AKAP6: variants seen among roughly 807,000 people sequenced by gnomAD.
AKAP6 encodes A-kinase anchoring protein 6, also known as A-kinase anchor protein 6.
Under a neutral mutation model 188.5 loss-of-function variants are expected in AKAP6, and 58 were observed. That is an observed-to-expected ratio of 0.31 (90% CI 0.25 to 0.38). AKAP6 has a LOEUF of 0.38. Among genes scored for constraint, AKAP6 ranks in the 10% least tolerant of loss-of-function variants. AKAP6 has a pLI of 1.00. For synonymous variants in AKAP6, 989 were observed against 998.6 expected, an observed-to-expected ratio of 0.99 and a Z score of 0.18; for missense variants, 2,710 against 2,740.0, an observed-to-expected ratio of 0.99 and a Z score of 0.24.
At chr14:32,733,928 A>G (rs1408325907) in intron 10 of AKAP6, 6 of 152,182 alleles carry the variant, frequency 3.9e-5, no homozygotes, top group African/African-American at 7.2e-5. Flanking sequence ...TAATATATCC[A>G]TTGGTAATTT....
chr14:32,646,824 A>G (rs1346718981), intron 7 of AKAP6, among the ~76,000 whole-genome samples: 1 of 152,130 alleles, frequency 6.6e-6, no homozygotes, highest in Non-Finnish European at 1.5e-5. Flanking sequence ...TGGTGCATGA[A>G]AAAAGGGAAA....
chr14:32,812,917 G>A (rs966633492), intron 12 of AKAP6, among the ~76,000 whole-genome samples: 7 of 152,262 alleles, frequency 4.6e-5, no homozygotes, highest in East Asian at 1.9e-4. Flanking sequence ...CAGCAAATGT[G>A]TGGGGTTTTT....
chr14:32,673,755 A>G (rs1889317203), intron 7 of AKAP6, among the ~76,000 whole-genome samples: 1 of 152,138 alleles, frequency 6.6e-6, no homozygotes. Flanking sequence ...TAATAAATGG[A>G]TGAATGCAAG....
chr14:32,475,245 G>A (rs981987136), intron 2 of AKAP6, among the ~76,000 whole-genome samples: 4 of 152,112 alleles, frequency 2.6e-5, no homozygotes, highest in African/African-American at 9.7e-5. Flanking sequence ...AGGAAACTGA[G>A]GCACAGAGGT....
rs571359895 is a variant in AKAP6, at chr14:32,834,509, A to G, written c.*4704A>G. ...TTAATACAGTATTCAAACAAAGATC[A>G]CACACTGCTTTTAGTTTCCAAGTCT... On this transcript the variant is annotated 3_prime_UTR_variant, in exon 14 of 14. Transcript: ENST00000280979. The G allele has an allele frequency of 6.9e-6, 1 of 145,046 alleles. No individual in the cohort carries two copies. Among genetic ancestry groups the G allele is most frequent in the African/African-American group, 2.5e-5 (1 of 40,484 alleles). The allele number at this position is 145,046 out of a possible 1,614,324, so 9.0% of individuals were successfully genotyped here. A position where few individuals can be genotyped will look rare whatever the true frequency, so the allele number is the denominator to read the frequency against.
At chr14:32,782,594 A>G (rs1472557896) in intron 12 of AKAP6, among the ~76,000 whole-genome samples, 4 of 152,182 alleles carry the variant, frequency 2.6e-5, no homozygotes, top group Admixed American at 6.5e-5. Context: ...TGTCAATTAT[A>G]TTCTAGATAT....
At chr14:32,487,390 T>C (rs904446785) in intron 2 of AKAP6, among the ~76,000 whole-genome samples, 1 of 152,026 alleles carries the variant, frequency 6.6e-6, no homozygotes, top group Admixed American at 6.6e-5. Context: ...TTCAGCTCCA[T>C]CAGGTCATTT....
intron 2 of AKAP6, among the ~76,000 whole-genome samples, chr14:32,510,897 G>A (rs940571575): frequency 2.6e-5 from 4 of 152,082 alleles, no homozygotes; most frequent in Non-Finnish European, 5.9e-5. Flanking sequence ...ATAACACCGA[G>A]GGCTCCTTGG....
chr14:32,804,536 C>A (rs777040175), intron 12 of AKAP6, among the ~76,000 whole-genome samples: 3 of 152,164 alleles, frequency 2.0e-5, no homozygotes, highest in Non-Finnish European at 4.4e-5. Context: ...TCACATGCTT[C>A]TGAGGGAACA....
At chr14:32,392,040 A>T (rs1001406937) in intron 1 of AKAP6, among the ~76,000 whole-genome samples, 1 of 152,218 alleles carries the variant, frequency 6.6e-6, no homozygotes, top group African/African-American at 2.4e-5. Context: ...ATCATCCAGG[A>T]TTTGGGGAAA....
intron 7 of AKAP6, among the ~76,000 whole-genome samples, chr14:32,630,049 G>C (rs73260906): frequency 6.6e-6 from 1 of 152,128 alleles, no homozygotes; most frequent in African/African-American, 2.4e-5. Flanking sequence ...TTCTGTGTGG[G>C]ATCTGGAAAT....
At position 32,568,366 on chromosome 14, in the gene AKAP6, A is replaced by G. The variant is rs1884299831; in HGVS notation, c.2347-8754A>G. ...TCTATGCCTTAGCCTCTTCATCTGT[A>G]CAATGGGGAAATTTGACTATTCAAT... On this transcript the variant is annotated intron_variant, in intron 4 of 13. Coordinates refer to ENST00000280979, the MANE Select transcript of AKAP6 (RefSeq NM_004274.5). This position sits in a 1 kb window ranked among gnomAD's most constrained non-coding sequence, Gnocchi z 6.2. Among the ~76,000 whole-genome samples the G allele has an allele frequency of 6.6e-6, 1 of 152,190 alleles. No individual in the cohort carries two copies. Among genetic ancestry groups the G allele is most frequent in the Non-Finnish European group, 1.5e-5 (1 of 68,030 alleles).
chr14:32,511,372 GTTTT>G (rs11365498), intron 2 of AKAP6, among the ~76,000 whole-genome samples: 2 of 109,322 alleles, frequency 1.8e-5, no homozygotes, highest in Admixed American at 9.8e-5. Flanking sequence ...TACCTTCTTG[GTTTT>G]TTTTTTTTTT....
chr14:32,539,589 T>C (rs1469931051), intron 3 of AKAP6, among the ~76,000 whole-genome samples: 1 of 152,172 alleles, frequency 6.6e-6, no homozygotes, highest in Non-Finnish European at 1.5e-5. Flanking sequence ...ATAATTTCAG[T>C]TTGATAAACT....
intron 9 of AKAP6, among the ~76,000 whole-genome samples, chr14:32,719,767 T>A (rs1002610930): frequency 6.6e-6 from 1 of 152,236 alleles, no homozygotes; most frequent in East Asian, 1.9e-4. Flanking sequence ...TTTCTTGAAA[T>A]CTGAATAAAA....
rs148849883 is a variant in AKAP6 at position 32,386,117 on chromosome 14, T to C, written c.-34-47343T>C. ...AAAGACTTCTTTTCCTCTGGGTAGATACCCAGTAGTGGGATTGCTGGATCA... is the reference window on the plus strand; with the variant it reads ...AAAGACTTCTTTTCCTCTGGGTAGACACCCAGTAGTGGGATTGCTGGATCA... On this transcript the variant is annotated intron_variant, in intron 1 of 13. Coordinates refer to ENST00000280979, the MANE Select transcript of AKAP6 (RefSeq NM_004274.5). Among the ~76,000 whole-genome samples the C allele has an allele frequency of 8.1e-3, 1,237 of 152,100 alleles. 25 individuals carry two copies. Among genetic ancestry groups the C allele is most frequent in the African/African-American group, 0.028 (1,143 of 41,526 alleles).
chr14:32,673,699 C>G (rs1282706263), intron 7 of AKAP6, among the ~76,000 whole-genome samples: 1 of 152,142 alleles, frequency 6.6e-6, no homozygotes, highest in African/African-American at 2.4e-5. Flanking sequence ...TGTGTCACTG[C>G]ACTCCAGCTT....
chr14:32,794,186 C>T (rs921571808), intron 12 of AKAP6, among the ~76,000 whole-genome samples: 3 of 152,118 alleles, frequency 2.0e-5, no homozygotes, highest in Admixed American at 2.0e-4. Context: ...TTGAGAAATT[C>T]ACTCAAAATC....
intron 5 of AKAP6, among the ~76,000 whole-genome samples, chr14:32,588,971 C>A (rs1885368136): frequency 6.6e-6 from 1 of 152,166 alleles, no homozygotes; most frequent in Non-Finnish European, 1.5e-5. Context: ...CTCTTGCTTG[C>A]CTTCCTGTCT....
Sources: gnomAD v4.1 joint callset for allele counts (sites outside exome capture counted in the v4.1 genomes callset) on GRCh38, gnomAD v4.1.1 for gene constraint, Gnocchi (gnomAD v3.1) non-coding constraint, MANE v1.5 for transcripts, NCBI Gene and HGNC (gene_info 2026-07-23, HGNC 2026-07-21) for gene names.